BRCA1: variants seen among roughly 807,000 people sequenced by gnomAD.
The protein encoded by BRCA1 is BRCA1 DNA repair associated.
A neutral mutation model predicts 173.7 loss-of-function variants in BRCA1; 140 were observed. That is an observed-to-expected ratio of 0.81 (90% CI 0.70 to 0.93). The LOEUF (loss-of-function observed/expected upper bound fraction) is 0.93. BRCA1 is among the 40% of genes least tolerant of loss of function. The probability of loss-of-function intolerance (pLI) is 0.00; values close to 1 mark genes in which losing one functional copy is unlikely to be tolerated. For synonymous variants in BRCA1, 662 were observed against 756.0 expected (o/e 0.88, Z 2.04); for missense variants, 1,983 against 2,172.5 (o/e 0.91, Z 1.73).
At chr17:43,047,806 C>T in intron 21 of BRCA1, 103 bp from the exon 22 acceptor site, 1 of 1,259,878 alleles carries the variant, frequency 7.9e-7, no homozygotes, top group Non-Finnish European at 1.1e-6. Context: ...GGGTCTTGCT[C>T]TGTCACCCAG....
intron 6 of BRCA1, among the ~76,000 whole-genome samples, chr17:43,103,512 G>A (rs1226021218): frequency 6.6e-6 from 1 of 151,476 alleles, no homozygotes; most frequent in African/African-American, 2.4e-5. Context: ...TGTATCTGAT[G>A]GGGATCTTGC....
chr17:43,107,072 T>A (rs2054824065), intron 3 of BRCA1, among the ~76,000 whole-genome samples: 1 of 149,940 alleles, frequency 6.7e-6, no homozygotes, highest in Admixed American at 6.6e-5. Flanking sequence ...ATTTTTTTTT[T>A]TTTTTTTTTT....
chr17:43,117,296 G>A (rs1276026574), intron 2 of BRCA1, among the ~76,000 whole-genome samples: 1 of 152,210 alleles, frequency 6.6e-6, no homozygotes, highest in East Asian at 1.9e-4. Flanking sequence ...ACAAAAATTA[G>A]CCGGGCGTGG....
At chr17:43,067,221 A>G (rs1254773561) in intron 16 of BRCA1, 1 of 240,810 alleles carries the variant, frequency 4.2e-6, no homozygotes, top group African/African-American at 2.4e-5. Context: ...ACTATCATCC[A>G]TGCTATGCTC....
At chr17:43,099,570 C>G (rs1175341444) in intron 7 of BRCA1, among the ~76,000 whole-genome samples, 1 of 152,088 alleles carries the variant, frequency 6.6e-6, no homozygotes, top group Non-Finnish European at 1.5e-5. Context: ...CATGCCTGGC[C>G]TCTTTTGCTC....
chr17:43,134,994 A>G (rs1200174546), intron 1 of BRCA1, among the ~76,000 whole-genome samples: 4 of 152,204 alleles, frequency 2.6e-5, no homozygotes, highest in African/African-American at 9.7e-5. Flanking sequence ...ATTGGCCCCA[A>G]TTCCTCAGCC....
chr17:43,121,995 C>G (rs2055600395), intron 2 of BRCA1, among the ~76,000 whole-genome samples: 1 of 152,090 alleles, frequency 6.6e-6, no homozygotes, highest in Non-Finnish European at 1.5e-5. Flanking sequence ...CAGTTTTTTC[C>G]TACAATGTCA....
intron 1 of BRCA1, among the ~76,000 whole-genome samples, chr17:43,146,635 T>G (rs1159639792): frequency 3.3e-5 from 5 of 152,082 alleles, no homozygotes; most frequent in Non-Finnish European, 5.9e-5. Context: ...TTAAGAATTG[T>G]GTACAAATTG....
chr17:43,105,344 A>G (rs559402783), intron 4 of BRCA1, among the ~76,000 whole-genome samples: 3 of 152,162 alleles, frequency 2.0e-5, no homozygotes, highest in South Asian at 2.1e-4. Context: ...TACTCAAGCT[A>G]TCCTCCCACT....
chr17:43,069,119 C>T (rs945556163), intron 15 of BRCA1, among the ~76,000 whole-genome samples: 1 of 152,222 alleles, frequency 6.6e-6, no homozygotes, highest in African/African-American at 2.4e-5. Context: ...CATACTGCCA[C>T]AGGGCACTGA....
intron 15 of BRCA1, among the ~76,000 whole-genome samples, chr17:43,068,311 A>C (rs2052239002): frequency 6.6e-6 from 1 of 152,006 alleles, no homozygotes; most frequent in African/African-American, 2.4e-5. Context: ...GTCTCAAATA[A>C]ATAGTTTAAT....
intron 3 of BRCA1, among the ~76,000 whole-genome samples, chr17:43,108,439 A>C (rs1366440589): frequency 1.3e-5 from 2 of 151,384 alleles, no homozygotes; most frequent in Non-Finnish European, 2.9e-5. Flanking sequence ...GGCCGGGTGC[A>C]GTGGCTCATG....
At chr17:43,126,381 C>A (rs1241608684), upstream of BRCA1, among the ~76,000 whole-genome samples, 1 of 152,196 alleles carries the variant, frequency 6.6e-6, no homozygotes, top group Non-Finnish European at 1.5e-5. Flanking sequence ...TAGATTCACC[C>A]CACAGAGATA....
At chr17:43,169,879 T>C (rs1038226994) in intron 1 of BRCA1, 28 of 372,754 alleles carry the variant, frequency 7.5e-5, no homozygotes, top group African/African-American at 2.6e-4. Flanking sequence ...CACGTTTTTT[T>C]CCCCCCCTCT....
chr17:43,074,237 T>TAG lies in BRCA1; in HGVS notation c.4675+92_4675+93dup. The TAG allele has an allele frequency of 1.9e-5, 24 of 1,277,822 alleles. 1 individual carries two copies. The South Asian group carries it at 2.8e-4, about 15-fold the overall frequency. 79.2% of individuals were successfully genotyped at this position (1,277,822 alleles called of 1,614,324 possible). On this transcript the variant is annotated intron_variant, in intron 14 of 22. Transcript: ENST00000357654. Reference sequence around the variant, plus strand: ...TATAACAAAAGTGTCCATGATAGACTAGTACATCTAAAAGTTGGTTAACCA... The same window carrying TAG: ...TATAACAAAAGTGTCCATGATAGACTAGAGTACATCTAAAAGTTGGTTAACCA...
At chr17:43,108,854 A>T (rs2054911917) in intron 3 of BRCA1, among the ~76,000 whole-genome samples, 1 of 151,218 alleles carries the variant, frequency 6.6e-6, no homozygotes, top group Non-Finnish European at 1.5e-5. Flanking sequence ...TTAGCCGGGC[A>T]TGGTGGCATA....
intron 1 of BRCA1, among the ~76,000 whole-genome samples, chr17:43,145,721 T>C (rs1434027167): frequency 6.6e-6 from 1 of 151,946 alleles, no homozygotes; most frequent in African/African-American, 2.4e-5. Flanking sequence ...CCTCATTCCA[T>C]TTTTTAAGTG....
chr17:43,091,882 ATAAGT>A lies in BRCA1; in HGVS notation c.3644_3648del (p.Asn1215IlefsTer2), dbSNP rs1060505051. On this transcript the variant is annotated frameshift_variant, in exon 10 of 23. Transcript: ENST00000357654. LOFTEE classifies it high-confidence loss of function. Reference sequence around the variant, plus strand: ...CAGGGAAGCTCTTCATCCTCACTAGATAAGTTCTCTTCTGAGGACTCTAATTTCTT... The same window carrying A: ...CAGGGAAGCTCTTCATCCTCACTAGATCTCTTCTGAGGACTCTAATTTCTT... The A allele has an allele frequency of 6.2e-7, 1 of 1,614,162 alleles. No homozygotes were observed. The highest frequency in any genetic ancestry group is 1.7e-5 in the Admixed American group (1 of 60,016).
intron 1 of BRCA1, chr17:43,139,846 CTG>C (rs1163637306): frequency 2.1e-6 from 1 of 467,552 alleles, no homozygotes; most frequent in Non-Finnish European, 4.4e-6. Context: ...CAAGATCCAT[CTG>C]TGTTCCTACA....
Sources: gnomAD v4.1 joint callset for allele counts (sites outside exome capture counted in the v4.1 genomes callset) on GRCh38, gnomAD v4.1.1 for gene constraint, MANE v1.5 for transcripts, NCBI Gene and HGNC (gene_info 2026-07-23, HGNC 2026-07-21) for gene names.